The following CENPO variants were observed in gnomAD, a reference collection of about 807,000 sequenced individuals.
CENPO encodes the protein centromere protein O.
In CENPO, 30 loss-of-function variants were observed where a neutral mutation model predicts 36.1. That is an observed-to-expected ratio of 0.83 (90% CI 0.62 to 1.13). CENPO has a LOEUF of 1.13. Among genes scored for constraint, CENPO ranks in the 50% most tolerant of loss-of-function variants. CENPO has a pLI of 0.00. For missense variants in CENPO, 349 were observed against 357.8 expected, an observed-to-expected ratio of 0.98 and a Z score of 0.20; for synonymous variants, 171 against 142.3, an observed-to-expected ratio of 1.20 and a Z score of -1.44.
At position 24,821,618 on chromosome 2, in the gene CENPO, C is replaced by T. The variant is rs760801151; in HGVS notation, c.*2300C>T. On this transcript the variant is annotated 3_prime_UTR_variant, in exon 8 of 8. Transcript: ENST00000380834. ...GGCCAGGTCAGCCAGGTGCTGCCAGCGCTCTCTCTCGGACTTGTCTTCCTG... is the reference window on the plus strand; with the variant it reads ...GGCCAGGTCAGCCAGGTGCTGCCAGTGCTCTCTCTCGGACTTGTCTTCCTG... The T allele has an allele frequency of 8.7e-6, 14 of 1,613,982 alleles. No homozygotes were observed. Among genetic ancestry groups the T allele is most frequent in the African/African-American group, 1.3e-5 (1 of 74,938 alleles).
At chr2:24,819,010 A>G (rs1044746540) in intron 7 of CENPO, among the ~76,000 whole-genome samples, 9 of 152,198 alleles carry the variant, frequency 5.9e-5, no homozygotes, top group African/African-American at 9.7e-5. Flanking sequence ...TTAAGAATAA[A>G]AGAGACAGGG....
intron 2 of CENPO, among the ~76,000 whole-genome samples, chr2:24,798,765 T>C (rs1360800510): frequency 6.6e-6 from 1 of 151,752 alleles, no homozygotes; most frequent in Non-Finnish European, 1.5e-5. Flanking sequence ...CGGCCCGATC[T>C]CACATACTTT....
intron 3 of CENPO, among the ~76,000 whole-genome samples, chr2:24,803,988 ACTTG>A (rs1458396155): frequency 1.3e-5 from 2 of 152,022 alleles, no homozygotes. Context: ...GTCTCTAAGG[ACTTG>A]CTTTATGAGT....
chr2:24,821,395 G>T lies in CENPO; in HGVS notation c.*2077G>T. 1 of 1,410,582 alleles carries T rather than the reference G, an allele frequency of 7.1e-7. No homozygotes were observed. The highest frequency in any genetic ancestry group is 9.6e-7 in the Non-Finnish European group (1 of 1,038,306). The allele number at this position is 1,410,582 out of a possible 1,614,324, so 87.4% of individuals were successfully genotyped here. A position where few individuals can be genotyped will look rare whatever the true frequency, so the allele number is the denominator to read the frequency against. On this transcript the variant is annotated 3_prime_UTR_variant, in exon 8 of 8. Coordinates refer to ENST00000380834, the MANE Select transcript of CENPO (RefSeq NM_001322101.2). ...TTTCAGGTCTCCTTGCCCTGTGAGT[G>T]CGTGAACCTCCCCACCCGAATTGCC...
intron 3 of CENPO, among the ~76,000 whole-genome samples, chr2:24,812,464 A>G (rs1344151349): frequency 6.6e-6 from 1 of 152,034 alleles, no homozygotes; most frequent in African/African-American, 2.4e-5. Flanking sequence ...CTGTTTTACA[A>G]CATTGGCCAA....
At position 24,820,099 on chromosome 2, in the gene CENPO, G is replaced by C; in HGVS notation, c.*781G>C. 2 of 1,550,472 alleles carry C rather than the reference G, an allele frequency of 1.3e-6. No homozygotes were observed. The highest frequency in any genetic ancestry group is 1.7e-6 in the Non-Finnish European group (2 of 1,147,688). ...AAGCCGTACTCTCGGAGGATGACTT[G>C]GGTTTCTTCTACCACCTGGAGAGGG... On this transcript the variant is annotated 3_prime_UTR_variant, in exon 8 of 8. Coordinates refer to ENST00000380834, the MANE Select transcript of CENPO (RefSeq NM_001322101.2).
In CENPO at chr2:24,821,674, G is replaced by T. The variant is rs201480364; in HGVS notation, c.*2356G>T. On this transcript the variant is annotated 3_prime_UTR_variant, in exon 8 of 8. Coordinates refer to ENST00000380834, the MANE Select transcript of CENPO (RefSeq NM_001322101.2). ...GGGGACCGTGGAGAAAGTGTCAGGG[G>T]CCGCTCACTGCAGCAGCCTGCTCTG... 1.9e-6 allele frequency: 3 copies of T among 1,610,010 alleles called. No individual in the cohort carries two copies. The African/African-American group carries it at 4.0e-5, about 21-fold the overall frequency.
intron 3 of CENPO, among the ~76,000 whole-genome samples, chr2:24,812,210 T>C (rs1010133783): frequency 2.0e-5 from 3 of 152,222 alleles, no homozygotes; most frequent in Admixed American, 2.0e-4. Context: ...TTAGAATTTA[T>C]TTTCTTTCAA....
At chr2:24,813,114 C>G (rs977285823) in intron 3 of CENPO, among the ~76,000 whole-genome samples, 1 of 151,844 alleles carries the variant, frequency 6.6e-6, no homozygotes, top group South Asian at 2.1e-4. Context: ...GGCGTGGTGG[C>G]GCACACCTGT....
chr2:24,801,538 C>G (rs1178882872), intron 3 of CENPO, among the ~76,000 whole-genome samples: 1 of 152,158 alleles, frequency 6.6e-6, no homozygotes, highest in African/African-American at 2.4e-5. Context: ...TTTCAGCTTT[C>G]TACATATGGC....
chr2:24,815,494 C>T lies in CENPO; in HGVS notation c.335-3C>T. The T allele has an allele frequency of 6.2e-7, 1 of 1,613,484 alleles. No homozygotes were observed. The highest frequency in any genetic ancestry group is 1.1e-5 in the South Asian group (1 of 90,990). Reference sequence around the variant, plus strand: ...TATTGAGGTGTCTTCTTGTTTGCCTCAGGCCTCAGTGGTAAACTGACCAGC... The same window carrying T: ...TATTGAGGTGTCTTCTTGTTTGCCTTAGGCCTCAGTGGTAAACTGACCAGC... On this transcript the variant is annotated splice_polypyrimidine_tract_variant and splice_region_variant and intron_variant, in intron 4 of 7. Coordinates refer to ENST00000380834, the MANE Select transcript of CENPO (RefSeq NM_001322101.2).
rs753716407 is a variant in CENPO, at chr2:24,820,721, T to TA, written c.*1404dup. 6.2e-7 allele frequency: 1 copy of TA among 1,614,076 alleles called. No individual in the cohort carries two copies. The highest frequency in any genetic ancestry group is 1.1e-5 in the South Asian group (1 of 91,078). On this transcript the variant is annotated 3_prime_UTR_variant, in exon 8 of 8. Coordinates refer to ENST00000380834, the MANE Select transcript of CENPO (RefSeq NM_001322101.2). ...CACGTGCCAGCTGTGCCACTGGACA[T>TA]ACCTGAATGTTGCCCATGACCCCCG...
Position 24,820,376 on chromosome 2 carries a change from A to C in CENPO, c.*1058A>C. 7.6e-7 allele frequency: 1 copy of C among 1,319,666 alleles called. No individual in the cohort carries two copies. The highest frequency in any genetic ancestry group is 9.6e-7 in the Non-Finnish European group (1 of 1,038,948). The allele number at this position is 1,319,666 out of a possible 1,614,324, so 81.7% of individuals were successfully genotyped here. A position where few individuals can be genotyped will look rare whatever the true frequency, so the allele number is the denominator to read the frequency against. On this transcript the variant is annotated 3_prime_UTR_variant, in exon 8 of 8. Transcript: ENST00000380834. ...TGGCCATGGTCACCTGGGTGGCAGC[A>C]CTGTTACCTGGAAACTGCCACTGCC...
At chr2:24,804,741 T>C (rs1666307440) in intron 3 of CENPO, among the ~76,000 whole-genome samples, 1 of 152,214 alleles carries the variant, frequency 6.6e-6, no homozygotes, top group South Asian at 2.1e-4. Context: ...CCGACCTTTC[T>C]CTCTGGCTGC....
Position 24,799,719 on chromosome 2 carries a change from T to A in CENPO, c.91T>A (p.Ser31Thr), listed in dbSNP as rs200722485. Residue 31 changes from serine (S) to threonine (T), a missense_variant, in exon 3 of 8, where the codon TCC becomes ACC. Coordinates refer to ENST00000380834, the MANE Select transcript of CENPO (RefSeq NM_001322101.2). Reference sequence around the variant, plus strand: ...AAGGCTAGAGACCCAAGTGAGCAGATCCCGTAAACAGTCTGAAGAGCTGCA... The same window carrying A: ...AAGGCTAGAGACCCAAGTGAGCAGAACCCGTAAACAGTCTGAAGAGCTGCA... ...LERLETQVSR[S>T]RKQSEELQSV... 2.8e-4 allele frequency: 459 copies of A among 1,613,914 alleles called. 2 individuals are homozygous for A. The highest frequency in any genetic ancestry group is 8.3e-4 in the Middle Eastern group (5 of 6,018).
At chr2:24,794,922 G>A (rs1389883659) in intron 2 of CENPO, among the ~76,000 whole-genome samples, 1 of 152,178 alleles carries the variant, frequency 6.6e-6, no homozygotes, top group Non-Finnish European at 1.5e-5. Context: ...GCGCGTCAGT[G>A]AATTTGGTTA....
chr2:24,799,338 T>C (rs1331305387), intron 2 of CENPO, among the ~76,000 whole-genome samples: 1 of 152,050 alleles, frequency 6.6e-6, no homozygotes, highest in African/African-American at 2.4e-5. Context: ...AGCTAGAGAA[T>C]CATCCTTTAC....
At chr2:24,798,619 C>G (rs376526489) in intron 2 of CENPO, among the ~76,000 whole-genome samples, 1 of 151,986 alleles carries the variant, frequency 6.6e-6, no homozygotes. Flanking sequence ...CGCCACCACA[C>G]CCGGCTAATT....
At chr2:24,814,538 A>G in intron 4 of CENPO, 45 bp downstream of exon 4, 1 of 881,544 alleles carries the variant, frequency 1.1e-6, no homozygotes, top group Non-Finnish European at 2.0e-6. Context: ...GTCTGCCTCT[A>G]GTGAGTTAGT....
Sources: allele counts gnomAD v4.1 joint callset (sites outside exome capture counted in the v4.1 genomes callset), GRCh38; gene constraint gnomAD v4.1.1; transcripts MANE v1.5; gene names NCBI Gene and HGNC (gene_info 2026-07-23, HGNC 2026-07-21).